The following ITGA9 variants were observed in gnomAD, a reference collection of about 807,000 sequenced individuals.
ITGA9 encodes the protein integrin subunit alpha 9, also known as integrin alpha-9.
ITGA9 carries 56 observed loss-of-function variants against 127.8 expected under a neutral mutation model. That is an observed-to-expected ratio of 0.44 (90% CI 0.35 to 0.55). ITGA9 has a LOEUF of 0.55. Among genes scored for constraint, ITGA9 ranks in the 20% least tolerant of loss-of-function variants. The pLI is 0.00. For missense variants in ITGA9, 1,196 were observed against 1,347.1 expected, an observed-to-expected ratio of 0.89 and a Z score of 1.76; for synonymous variants, 508 against 514.5, an observed-to-expected ratio of 0.99 and a Z score of 0.17.
chr3:37,468,069 A>G (rs2125551363), intron 1 of ITGA9, among the ~76,000 whole-genome samples: 1 of 152,242 alleles, frequency 6.6e-6, no homozygotes, highest in African/African-American at 2.4e-5. Context: ...GAGGGAGGCA[A>G]TGTGATCTGT....
chr3:37,492,141 A>T (rs1698679910), intron 4 of ITGA9, among the ~76,000 whole-genome samples: 1 of 152,020 alleles, frequency 6.6e-6, no homozygotes. Context: ...GATTAATGAC[A>T]GTCACAGAAG....
At chr3:37,760,838 AT>A (rs1696715334) in intron 23 of ITGA9, among the ~76,000 whole-genome samples, 1 of 152,232 alleles carries the variant, frequency 6.6e-6, no homozygotes, top group African/African-American at 2.4e-5. Context: ...TTAAACTTTT[AT>A]GTGATCAAAA....
Position 37,503,240 on chromosome 3 carries a change from C to G in ITGA9, c.675C>G (p.Asn225Lys), listed in dbSNP as rs1419961503. The G allele has an allele frequency of 6.2e-7, 1 of 1,614,068 alleles. No homozygotes were observed. Among genetic ancestry groups the G allele is most frequent in the East Asian group, 2.2e-5 (1 of 44,878 alleles). Residue 225 changes from asparagine (N) to lysine (K), a missense_variant, in exon 6 of 28, where the codon AAC becomes AAG. Transcript: ENST00000264741. ...GGGCTGGAACCATCAAAGTGCTGAA[C>G]CTTACGGACAACACCTATTTAAAAC... ...FYWAGTIKVL[N>K]LTDNTYLKLN... is the part of the protein sequence containing the mutation.
chr3:37,646,510 C>T (rs1459309063), intron 16 of ITGA9, among the ~76,000 whole-genome samples: 2 of 152,236 alleles, frequency 1.3e-5, no homozygotes, highest in Non-Finnish European at 2.9e-5. Flanking sequence ...CAGTCTTCAG[C>T]TCTCTGAAGC....
intron 15 of ITGA9, among the ~76,000 whole-genome samples, chr3:37,568,586 G>A (rs1699571639): frequency 1.3e-5 from 2 of 152,182 alleles, no homozygotes; most frequent in African/African-American, 4.8e-5. Flanking sequence ...CAGCACCCAA[G>A]TCACATCTTG....
chr3:37,812,685 G>C (rs1003603783), intron 27 of ITGA9, among the ~76,000 whole-genome samples: 3 of 152,258 alleles, frequency 2.0e-5, no homozygotes, highest in African/African-American at 4.8e-5. Flanking sequence ...AAAGCACACT[G>C]TTCCTTCGGC....
At chr3:37,518,354 C>T (rs1254553406) in intron 10 of ITGA9, among the ~76,000 whole-genome samples, 2 of 152,226 alleles carry the variant, frequency 1.3e-5, no homozygotes. Context: ...CCTCCTACCA[C>T]TGGCTACAGT....
At chr3:37,553,693 T>A (rs895152235) in intron 15 of ITGA9, among the ~76,000 whole-genome samples, 2 of 152,236 alleles carry the variant, frequency 1.3e-5, no homozygotes, top group African/African-American at 4.8e-5. Flanking sequence ...ACCACCTCTC[T>A]CCTCTGCTCC....
intron 18 of ITGA9, among the ~76,000 whole-genome samples, chr3:37,720,229 T>A (rs1701177214): frequency 6.6e-6 from 1 of 152,210 alleles, no homozygotes; most frequent in South Asian, 2.1e-4. Flanking sequence ...GAGAAGGAAC[T>A]CTTCACCATG....
chr3:37,538,623 C>G (rs960023592), intron 14 of ITGA9, among the ~76,000 whole-genome samples: 1 of 152,212 alleles, frequency 6.6e-6, no homozygotes, highest in South Asian at 2.1e-4. Context: ...GACCGCGGAG[C>G]CCGGGCAGCT....
intron 18 of ITGA9, among the ~76,000 whole-genome samples, chr3:37,710,559 C>A (rs1391083727): frequency 6.6e-6 from 1 of 152,192 alleles, no homozygotes; most frequent in African/African-American, 2.4e-5. Flanking sequence ...TTCAGAGGTG[C>A]TCTGAGTCCT....
Position 37,452,527 on chromosome 3 carries a change from A to C in ITGA9, c.153A>C (p.Ala51=). ...QGPADSFFGY[A]VLEHFHDNTR... is the part of the protein sequence containing the mutation. ...CCGCTGACTCGTTCTTCGGCTACGCAGTTCTGGAGCATTTCCACGACAACA... is the reference window on the plus strand; with the variant it reads ...CCGCTGACTCGTTCTTCGGCTACGCCGTTCTGGAGCATTTCCACGACAACA... Residue 51 remains alanine, a synonymous_variant, in exon 1 of 28, where the codon GCA becomes GCC. Transcript: ENST00000264741. This position sits in a 1 kb window ranked among gnomAD's most constrained non-coding sequence, Gnocchi z 7.3. The C allele has an allele frequency of 3.3e-6, 5 of 1,526,306 alleles. No homozygotes were observed. Among genetic ancestry groups the C allele is most frequent in the Middle Eastern group, 1.8e-4 (1 of 5,656 alleles). The allele number at this position is 1,526,306 out of a possible 1,614,324, so 94.5% of individuals were successfully genotyped here. A position where few individuals can be genotyped will look rare whatever the true frequency, so the allele number is the denominator to read the frequency against.
At chr3:37,627,549 G>A (rs1045774088) in intron 15 of ITGA9, among the ~76,000 whole-genome samples, 1 of 152,168 alleles carries the variant, frequency 6.6e-6, no homozygotes, top group Non-Finnish European at 1.5e-5. Flanking sequence ...CAGTAAAAAC[G>A]GAAACAACAA....
At chr3:37,724,195 G>T (rs1575209179) in intron 18 of ITGA9, among the ~76,000 whole-genome samples, 1 of 152,046 alleles carries the variant, frequency 6.6e-6, no homozygotes, top group East Asian at 1.9e-4. Context: ...CCCTATACTA[G>T]CCTTGTCCTG....
intron 21 of ITGA9, among the ~76,000 whole-genome samples, chr3:37,743,208 G>A (rs1385658457): frequency 6.6e-6 from 1 of 152,202 alleles, no homozygotes; most frequent in African/African-American, 2.4e-5. Flanking sequence ...TGGATGAGTT[G>A]TTGTCTATTC....
intron 25 of ITGA9, among the ~76,000 whole-genome samples, chr3:37,782,936 A>G (rs1309917150): frequency 2.6e-5 from 4 of 152,156 alleles, no homozygotes; most frequent in African/African-American, 4.8e-5. Flanking sequence ...TCAGGAATTC[A>G]AGACCAGCCT....
intron 18 of ITGA9, among the ~76,000 whole-genome samples, chr3:37,699,808 C>A (rs1057508052): frequency 6.6e-6 from 1 of 152,200 alleles, no homozygotes; most frequent in Non-Finnish European, 1.5e-5. Flanking sequence ...CTTATCCCTG[C>A]CTCAGGGCGT....
chr3:37,800,521 A>T (rs1172264296), intron 26 of ITGA9, among the ~76,000 whole-genome samples: 1 of 152,182 alleles, frequency 6.6e-6, no homozygotes, highest in Non-Finnish European at 1.5e-5. Flanking sequence ...AAATGCAGGA[A>T]GTGATTTGAT....
chr3:37,476,756 C>T (rs1049696588), intron 3 of ITGA9, among the ~76,000 whole-genome samples: 2 of 152,148 alleles, frequency 1.3e-5, no homozygotes, highest in African/African-American at 4.8e-5. Flanking sequence ...TCAACATCAT[C>T]TTATTACTTA....
Sources: gnomAD v4.1 joint callset for allele counts (sites outside exome capture counted in the v4.1 genomes callset) on GRCh38, gnomAD v4.1.1 for gene constraint, Gnocchi (gnomAD v3.1) non-coding constraint, MANE v1.5 for transcripts, NCBI Gene and HGNC (gene_info 2026-07-23, HGNC 2026-07-21) for gene names.